Variants in KCNQ1 observed in about 807,000 individuals in gnomAD.
KCNQ1 encodes the protein potassium voltage-gated channel subfamily KQT member 1.
A neutral mutation model predicts 72.4 loss-of-function variants in KCNQ1; 49 were observed. That is an observed-to-expected ratio of 0.68 (90% CI 0.54 to 0.86). KCNQ1 has a LOEUF of 0.86. KCNQ1 is among the 40% of genes least tolerant of loss of function. KCNQ1 has a pLI of 0.00. For synonymous variants in KCNQ1, 450 were observed against 412.6 expected (o/e 1.09, Z -1.10); for missense variants, 790 against 945.1 (o/e 0.84, Z 2.15).
Position 2,478,622 on chromosome 11 carries a change from C to T in KCNQ1, c.386+33138C>T, listed in dbSNP as rs779742410. Among the ~76,000 whole-genome samples the T allele has an allele frequency of 2.6e-5, 4 of 152,152 alleles. No individual in the cohort carries two copies. The highest frequency in any genetic ancestry group is 5.9e-5 in the Non-Finnish European group (4 of 68,028). On this transcript the variant is annotated intron_variant, in intron 1 of 15. Coordinates refer to ENST00000155840, the MANE Select transcript of KCNQ1 (RefSeq NM_000218.3). The surrounding 1 kb of genome is among the most constrained non-coding windows in gnomAD (Gnocchi z 4.0). ...GATTCAATTATCTCCCACGAGGTCC[C>T]TCCCATGACACGTGGGAATTATGGG...
intron 1 of KCNQ1, among the ~76,000 whole-genome samples, chr11:2,506,392 C>G (rs1847106176): frequency 6.6e-6 from 1 of 152,162 alleles, no homozygotes; most frequent in Non-Finnish European, 1.5e-5. Context: ...CTTCCATATT[C>G]TTTTTTACAG....
In KCNQ1 at chr11:2,633,605, G is replaced by C. The variant is rs373003966; in HGVS notation, c.1394-28356G>C. On this transcript the variant is annotated intron_variant, in intron 10 of 15. Coordinates refer to ENST00000155840, the MANE Select transcript of KCNQ1 (RefSeq NM_000218.3). ...ATATGATATCCTGTTTTCCCAACAT[G>C]ATGTGTTCAACATGGTGTCCTTTCC... is the stretch of plus-strand genomic sequence containing the variant. The C allele has an allele frequency of 1.2e-4, 49 of 398,492 alleles. 1 individual carries two copies. Among genetic ancestry groups the C allele is most frequent in the East Asian group, 6.1e-4 (17 of 28,060 alleles). 24.7% of individuals were successfully genotyped at this position (398,492 alleles called of 1,614,324 possible). A position where few individuals can be genotyped will look rare whatever the true frequency, so the allele number is the denominator to read the frequency against.
rs1024974133 is a variant in KCNQ1, at chr11:2,468,712, G to A, written c.386+23228G>A. ...TTTCGTCTGGCTTCTTTTATTCAGC[G>A]TCATGATTTTGAGCTGTGTGTCTGT... On this transcript the variant is annotated intron_variant, in intron 1 of 15. Coordinates refer to ENST00000155840, the MANE Select transcript of KCNQ1 (RefSeq NM_000218.3). The surrounding 1 kb of genome is among the most constrained non-coding windows in gnomAD (Gnocchi z 5.7). Among the ~76,000 whole-genome samples the A allele has an allele frequency of 2.0e-5, 3 of 152,174 alleles. No individual in the cohort carries two copies. The highest frequency in any genetic ancestry group is 1.9e-4 in the East Asian group (1 of 5,200).
chr11:2,602,497 G>T lies in KCNQ1; in HGVS notation c.1393+13643G>T, dbSNP rs1848822071. ...TAGTTTTATAAGAAACTACCAAACT[G>T]ATTTTCCAGAGTGACTGCACCATTT... On this transcript the variant is annotated intron_variant, in intron 10 of 15. Coordinates refer to ENST00000155840, the MANE Select transcript of KCNQ1 (RefSeq NM_000218.3). The surrounding 1 kb of genome is among the most constrained non-coding windows in gnomAD (Gnocchi z 4.8). Among the ~76,000 whole-genome samples the T allele has an allele frequency of 6.6e-6, 1 of 152,196 alleles. No individual in the cohort carries two copies. Among genetic ancestry groups the T allele is most frequent in the South Asian group, 2.1e-4 (1 of 4,830 alleles).
intron 11 of KCNQ1, among the ~76,000 whole-genome samples, chr11:2,751,002 A>G (rs1846217430): frequency 6.6e-6 from 1 of 152,226 alleles, no homozygotes; most frequent in Admixed American, 6.5e-5. Context: ...CAGGACAAAG[A>G]TGTATTTCTT....
chr11:2,802,430 G>A (rs1165648527), intron 15 of KCNQ1, among the ~76,000 whole-genome samples: 2 of 152,174 alleles, frequency 1.3e-5, no homozygotes, highest in Non-Finnish European at 2.9e-5. Context: ...GCCATCCTCG[G>A]GCGCAGGCAG....
chr11:2,835,696 AG>A (rs1489007283), intron 15 of KCNQ1, among the ~76,000 whole-genome samples: 1 of 152,152 alleles, frequency 6.6e-6, no homozygotes, highest in African/African-American at 2.4e-5. Context: ...ATGCTGGGGC[AG>A]GGGTGTCTTT....
rs570393115 is a variant in KCNQ1 at position 2,676,591 on chromosome 11, C to T, written c.1514+14510C>T. ...ACCATCATACTGGGTATTCAACAGC[C>T]AGCTCTCCAAAGAGGCCTCTAAGAA... On this transcript the variant is annotated intron_variant, in intron 11 of 15. Coordinates refer to ENST00000155840, the MANE Select transcript of KCNQ1 (RefSeq NM_000218.3). The surrounding 1 kb of genome is among the most constrained non-coding windows in gnomAD (Gnocchi z 4.2). The T allele has an allele frequency of 1.4e-4, 56 of 398,610 alleles. No homozygotes were observed. Among genetic ancestry groups the T allele is most frequent in the African/African-American group, 1.0e-3 (50 of 48,734 alleles). The allele number at this position is 398,610 out of a possible 1,614,324, so 24.7% of individuals were successfully genotyped here.
At chr11:2,519,132 G>C (rs776299786) in intron 1 of KCNQ1, among the ~76,000 whole-genome samples, 16 of 152,234 alleles carry the variant, frequency 1.1e-4, no homozygotes, top group Non-Finnish European at 1.9e-4. Context: ...GTTCTGGTGA[G>C]AAGTGGCGGT....
intron 6 of KCNQ1, among the ~76,000 whole-genome samples, chr11:2,574,114 G>A (rs901038552): frequency 2.0e-5 from 3 of 152,192 alleles, no homozygotes; most frequent in Admixed American, 2.0e-4. Context: ...GGGAGTAGCT[G>A]GCTGGAGGCC....
intron 11 of KCNQ1, chr11:2,680,153 A>T (rs1315307131): frequency 1.0e-5 from 4 of 396,460 alleles, no homozygotes; most frequent in Middle Eastern, 6.2e-4. Context: ...CAGCCTCCTA[A>T]AGTGCTGGGA....
intron 1 of KCNQ1, among the ~76,000 whole-genome samples, chr11:2,527,479 G>C (rs572091066): frequency 6.6e-6 from 1 of 152,338 alleles, no homozygotes; most frequent in Non-Finnish European, 1.5e-5. Context: ...AGTGGCTCTA[G>C]AATGTTCAGA....
rs1294335440 is a variant in KCNQ1, at chr11:2,661,101, C to T, written c.1394-860C>T. On this transcript the variant is annotated intron_variant, in intron 10 of 15. Coordinates refer to ENST00000155840, the MANE Select transcript of KCNQ1 (RefSeq NM_000218.3). The surrounding 1 kb of genome is among the most constrained non-coding windows in gnomAD (Gnocchi z 5.9). ...ATCCCATGTGCATAAAAGCAACTCC[C>T]ACCTGGCATCTGCTGCTCGGATGAG... The T allele has an allele frequency of 2.5e-6, 1 of 398,358 alleles. No homozygotes were observed. The highest frequency in any genetic ancestry group is 4.4e-5 in the Admixed American group (1 of 22,660). The allele number at this position is 398,358 out of a possible 1,614,324, so 24.7% of individuals were successfully genotyped here. A position where few individuals can be genotyped will look rare whatever the true frequency, so the allele number is the denominator to read the frequency against.
At chr11:2,555,082 T>C (rs1233476641) in intron 2 of KCNQ1, among the ~76,000 whole-genome samples, 2 of 152,190 alleles carry the variant, frequency 1.3e-5, no homozygotes, top group African/African-American at 4.8e-5. Context: ...CGCGGGCCCC[T>C]GAAGGGCCGG....
intron 7 of KCNQ1, 51 bp from the exon 8 acceptor site, chr11:2,585,161 C>A: frequency 1.3e-6 from 2 of 1,514,166 alleles, no homozygotes; most frequent in Non-Finnish European, 1.8e-6. Flanking sequence ...AGGCTGCACC[C>A]AGCTGGCAGT....
At chr11:2,568,193 A>G (rs920224672) in intron 2 of KCNQ1, among the ~76,000 whole-genome samples, 1 of 152,116 alleles carries the variant, frequency 6.6e-6, no homozygotes, top group African/African-American at 2.4e-5. Flanking sequence ...GAATTGCTTG[A>G]ACCTGGGAGG....
rs927993175 is a variant in KCNQ1 at position 2,847,865 on chromosome 11, C to T, written c.1893C>T (p.Pro631=). ...GGSTPGSGGP[P]REGGAHITQP... is the part of the protein sequence containing the mutation. ...GCACCCCCGGCAGCGGCGGCCCCCC[C>T]AGAGAGGGCGGGGCCCACATCACCC... is the stretch of plus-strand genomic sequence containing the variant. Residue 631 remains proline (P), a synonymous_variant, in exon 16 of 16, where the codon CCC becomes CCT. Coordinates refer to ENST00000155840, the MANE Select transcript of KCNQ1 (RefSeq NM_000218.3). 2 of 1,577,628 alleles carry T rather than the reference C, an allele frequency of 1.3e-6. No homozygotes were observed. The highest frequency in any genetic ancestry group is 1.3e-5 in the African/African-American group (1 of 74,140).
At chr11:2,534,524 G>A (rs999367580) in intron 2 of KCNQ1, among the ~76,000 whole-genome samples, 1 of 152,238 alleles carries the variant, frequency 6.6e-6, no homozygotes, top group Non-Finnish European at 1.5e-5. Context: ...GCCTCGCCCT[G>A]CCTGGTGAGC....
intron 1 of KCNQ1, among the ~76,000 whole-genome samples, chr11:2,455,190 C>T (rs1023710195): frequency 7.9e-5 from 12 of 151,970 alleles, no homozygotes; most frequent in Admixed American, 2.0e-4. Context: ...CTCTGCCTCC[C>T]AGGTTCACAC....
Sources: allele counts gnomAD v4.1 joint callset (sites outside exome capture counted in the v4.1 genomes callset), GRCh38; gene constraint gnomAD v4.1.1; non-coding constraint Gnocchi (gnomAD v3.1); transcripts MANE v1.5; gene names NCBI Gene and HGNC (gene_info 2026-07-23, HGNC 2026-07-21).